The following GRM7 variants were observed in gnomAD, a reference collection of about 807,000 sequenced individuals.
GRM7 encodes the protein glutamate metabotropic receptor 7, also known as metabotropic glutamate receptor 7.
Under a neutral mutation model 84.5 loss-of-function variants are expected in GRM7, and 35 were observed. The observed-to-expected ratio is 0.41, with a 90% CI of 0.32 to 0.55. GRM7 has a LOEUF of 0.55. Among genes scored for constraint, GRM7 ranks in the 20% least tolerant of loss-of-function variants. The pLI is 0.19. For synonymous variants in GRM7, 487 were observed against 455.1 expected (o/e 1.07, Z -0.89); for missense variants, 1,003 against 1,194.6 (o/e 0.84, Z 2.36).
intron 2 of GRM7, among the ~76,000 whole-genome samples, chr3:7,243,043 A>G (rs530580388): frequency 2.6e-3 from 399 of 152,274 alleles, no homozygotes; most frequent in African/African-American, 9.1e-3. Flanking sequence ...AATGCTTTCC[A>G]AATGTTTTCA....
chr3:7,522,794 C>G (rs1348657195), intron 7 of GRM7, among the ~76,000 whole-genome samples: 1 of 152,118 alleles, frequency 6.6e-6, no homozygotes, highest in Admixed American at 6.6e-5. Flanking sequence ...GTCCTAACCC[C>G]CAATGTATGC....
chr3:6,991,377 G>A (rs936988991), intron 1 of GRM7, among the ~76,000 whole-genome samples: 15 of 152,124 alleles, frequency 9.9e-5, no homozygotes, highest in Non-Finnish European at 2.2e-4. Flanking sequence ...AATCCCTAGA[G>A]CTAAGGAGAA....
intron 8 of GRM7, among the ~76,000 whole-genome samples, chr3:7,593,348 A>C (rs1695881827): frequency 6.6e-6 from 1 of 152,218 alleles, no homozygotes; most frequent in Non-Finnish European, 1.5e-5. Flanking sequence ...TAATGTCTAC[A>C]AAAAGCCACC....
At chr3:7,112,357 T>A (rs755592062) in intron 1 of GRM7, among the ~76,000 whole-genome samples, 14 of 152,018 alleles carry the variant, frequency 9.2e-5, no homozygotes, top group Non-Finnish European at 1.5e-4. Flanking sequence ...CCTGAGTAGC[T>A]GGGACTACAG....
At chr3:7,663,038 G>A (rs1699533051) in intron 8 of GRM7, among the ~76,000 whole-genome samples, 1 of 152,144 alleles carries the variant, frequency 6.6e-6, no homozygotes, top group Admixed American at 6.5e-5. Flanking sequence ...AGGAGTTATA[G>A]AATAAATTAC....
Position 6,927,471 on chromosome 3 carries a change from A to AAGAAAGAAAGAAAGAAAGAT in GRM7, c.519+65583_519+65584insTAGAAAGAAAGAAAGAAAGA, listed in dbSNP as rs1559333333. ...GAAGAAAGAAAGAGAGAGAGAAAGA[A>AAGAAAGAAAGAAAGAAAGAT]AGAAAGAAAGAAAGAAAGAAAGAAA... On this transcript the variant is annotated intron_variant, in intron 1 of 9. Coordinates refer to ENST00000357716, the MANE Select transcript of GRM7 (RefSeq NM_000844.4). Among the ~76,000 whole-genome samples the AAGAAAGAAAGAAAGAAAGAT allele has an allele frequency of 7.3e-3, 439 of 60,096 alleles. 2 individuals carry two copies. Among genetic ancestry groups the AAGAAAGAAAGAAAGAAAGAT allele is most frequent in the Non-Finnish European group, 0.013 (301 of 22,696 alleles). The allele number at this position is 60,096 out of a possible 152,430, so 39.4% of individuals were successfully genotyped here. A position where few individuals can be genotyped will look rare whatever the true frequency, so the allele number is the denominator to read the frequency against.
At chr3:7,256,218 G>A (rs1416994875) in intron 2 of GRM7, among the ~76,000 whole-genome samples, 1 of 151,968 alleles carries the variant, frequency 6.6e-6, no homozygotes. Flanking sequence ...TACTACCCTA[G>A]GAAATTCTCT....
At chr3:7,002,012 T>A (rs968479341) in intron 1 of GRM7, among the ~76,000 whole-genome samples, 2 of 152,198 alleles carry the variant, frequency 1.3e-5, no homozygotes, top group African/African-American at 4.8e-5. Context: ...TGATTAATGG[T>A]TAAAATAACC....
At chr3:7,045,715 T>G (rs1300290354) in intron 1 of GRM7, among the ~76,000 whole-genome samples, 1 of 152,144 alleles carries the variant, frequency 6.6e-6, no homozygotes, top group Non-Finnish European at 1.5e-5. Flanking sequence ...GATAGCAAGA[T>G]CTCCATTTTT....
intron 1 of GRM7, among the ~76,000 whole-genome samples, chr3:6,869,660 A>G (rs1365774731): frequency 2.0e-5 from 3 of 151,332 alleles, no homozygotes; most frequent in African/African-American, 4.9e-5. Flanking sequence ...AGAAGGAGAG[A>G]GAGAGTGAGA....
At chr3:7,132,376 G>A (rs563709555) in intron 1 of GRM7, among the ~76,000 whole-genome samples, 34 of 152,222 alleles carry the variant, frequency 2.2e-4, no homozygotes, top group Admixed American at 2.2e-3. Flanking sequence ...ACAAGCATAC[G>A]TAGAGCTGGC....
At chr3:7,074,520 A>G (rs1475091076) in intron 1 of GRM7, among the ~76,000 whole-genome samples, 1 of 152,210 alleles carries the variant, frequency 6.6e-6, no homozygotes, top group Non-Finnish European at 1.5e-5. Context: ...TATAAATACA[A>G]AATCTAAGAA....
At chr3:7,734,096 C>A (rs1464770428) in intron 9 of GRM7, among the ~76,000 whole-genome samples, 1 of 152,196 alleles carries the variant, frequency 6.6e-6, no homozygotes, top group East Asian at 1.9e-4. Context: ...CACACATTTT[C>A]TCTAAGGTTA....
At chr3:7,623,722 A>G (rs538782785) in intron 8 of GRM7, among the ~76,000 whole-genome samples, 28 of 152,264 alleles carry the variant, frequency 1.8e-4, no homozygotes, top group Admixed American at 3.9e-4. Context: ...GGTGTTAGTT[A>G]TCAACTTGCC....
intron 2 of GRM7, among the ~76,000 whole-genome samples, chr3:7,155,227 G>A (rs1378080365): frequency 6.6e-6 from 1 of 152,066 alleles, no homozygotes; most frequent in Non-Finnish European, 1.5e-5. Flanking sequence ...TGGGAAAATA[G>A]GACACCTTGA....
intron 1 of GRM7, among the ~76,000 whole-genome samples, chr3:6,875,381 A>G (rs1345893653): frequency 6.6e-6 from 1 of 152,168 alleles, no homozygotes; most frequent in Admixed American, 6.6e-5. Context: ...AAATTGAATC[A>G]TGGGGGTGGT....
chr3:7,055,469 TTA>T (rs1209773578), intron 1 of GRM7, among the ~76,000 whole-genome samples: 8 of 142,264 alleles, frequency 5.6e-5, no homozygotes, highest in African/African-American at 2.2e-4. Flanking sequence ...TATAAATATT[TTA>T]TATATCTGTG....
At chr3:7,367,362 T>C (rs568195440) in intron 4 of GRM7, among the ~76,000 whole-genome samples, 272 of 151,978 alleles carry the variant, frequency 1.8e-3, no homozygotes, top group Middle Eastern at 6.8e-3. Flanking sequence ...TTCTTTTTGT[T>C]GGAGGGTATT....
At chr3:7,218,673 C>T (rs574348300) in intron 2 of GRM7, among the ~76,000 whole-genome samples, 63 of 151,844 alleles carry the variant, frequency 4.1e-4, no homozygotes, top group African/African-American at 1.4e-3. Flanking sequence ...TGATGTTTTC[C>T]GATGTTTATT....
Sources: gnomAD v4.1 joint callset for allele counts (sites outside exome capture counted in the v4.1 genomes callset) on GRCh38, gnomAD v4.1.1 for gene constraint, MANE v1.5 for transcripts, NCBI Gene and HGNC (gene_info 2026-07-23, HGNC 2026-07-21) for gene names.